The following ABCA13 variants were observed in gnomAD, a reference collection of about 807,000 sequenced individuals.
ABCA13 encodes ATP binding cassette subfamily A member 13, also known as ATP-binding cassette sub-family A member 13.
ABCA13 carries 476 observed loss-of-function variants against 478.7 expected under a neutral mutation model. The observed-to-expected ratio is 0.99, with a 90% confidence interval of 0.92 to 1.07. The LOEUF is 1.07. Among genes scored for constraint, ABCA13 ranks in the 50% least tolerant of loss-of-function variants. ABCA13 has a pLI of 0.00. For synonymous variants in ABCA13, 2,252 were observed against 2,158.9 expected (o/e 1.04, Z -1.20); for missense variants, 6,060 against 5,910.6 (o/e 1.03, Z -0.83).
At chr7:48,323,105 G>C (rs558942100) in intron 27 of ABCA13, among the ~76,000 whole-genome samples, 11 of 152,294 alleles carry the variant, frequency 7.2e-5, no homozygotes, top group African/African-American at 2.6e-4. Context: ...TAAAGGGCGT[G>C]TGGGTTTTTT....
intron 42 of ABCA13, among the ~76,000 whole-genome samples, chr7:48,436,925 T>C (rs1309617165): frequency 6.6e-6 from 1 of 151,992 alleles, no homozygotes; most frequent in Non-Finnish European, 1.5e-5. Context: ...TTAAGACTTG[T>C]TATGTAGTAT....
chr7:48,214,444 C>T (rs1427836621), intron 3 of ABCA13, among the ~76,000 whole-genome samples: 1 of 152,164 alleles, frequency 6.6e-6, no homozygotes, highest in Non-Finnish European at 1.5e-5. Flanking sequence ...TCCTTTGAGA[C>T]TTTGAAGGTA....
At position 48,295,782 on chromosome 7, in the gene ABCA13, T is replaced by G. The variant is rs746655317; in HGVS notation, c.9038T>G (p.Phe3013Cys). 1.2e-6 allele frequency: 2 copies of G among 1,614,014 alleles called. No homozygotes were observed. The highest frequency in any genetic ancestry group is 1.7e-6 in the Non-Finnish European group (2 of 1,179,894). The change falls in exon 21 of 62, where the codon TTC (phenylalanine) becomes TGC (cysteine). Residue 3013 changes from phenylalanine (F) to cysteine (C), a missense_variant. Around this residue, in one of 3 missense-constraint regions of ABCA13, gnomAD observed 4,423 missense variants for 4,309.1 expected, o/e 1.03. Coordinates refer to ENST00000435803, the MANE Select transcript of ABCA13 (RefSeq NM_152701.5). Reference sequence around the variant, plus strand: ...AATCTTTCTAGCACCTTGGAGAGCTTCAAGAGCAGCTTGGAAAATGCCACT... The same window carrying G: ...AATCTTTCTAGCACCTTGGAGAGCTGCAAGAGCAGCTTGGAAAATGCCACT... ...SKNLSSTLES[F>C]KSSLENATGQ...
At chr7:48,362,550 G>C (rs1199948881) in intron 31 of ABCA13, among the ~76,000 whole-genome samples, 1 of 150,014 alleles carries the variant, frequency 6.7e-6, no homozygotes, top group Non-Finnish European at 1.5e-5. Flanking sequence ...TATATATGTG[G>C]CCTTAATTCT....
chr7:48,605,731 T>C (rs1326434962), intron 58 of ABCA13, among the ~76,000 whole-genome samples: 4 of 152,216 alleles, frequency 2.6e-5, no homozygotes, highest in Non-Finnish European at 4.4e-5. Context: ...TGGTGTTCTC[T>C]GTATTTCCTG....
chr7:48,270,976 G>A lies in ABCA13; in HGVS notation c.2121-811G>A, dbSNP rs987538036. On this transcript the variant is annotated intron_variant, in intron 16 of 61. Coordinates refer to ENST00000435803, the MANE Select transcript of ABCA13 (RefSeq NM_152701.5). ...AGCAGTTTCAAGTGTATTATCCTGCGTCGCGAGATCATTCACAGGTCTCAC... is the reference window on the plus strand; with the variant it reads ...AGCAGTTTCAAGTGTATTATCCTGCATCGCGAGATCATTCACAGGTCTCAC... Among the ~76,000 whole-genome samples, 45 of 152,122 alleles carry A rather than the reference G, an allele frequency of 3.0e-4. 2 individuals carry two copies. The highest frequency in any genetic ancestry group is 1.0e-3 in the African/African-American group (42 of 41,420).
At chr7:48,351,424 C>T (rs1239966375) in intron 30 of ABCA13, among the ~76,000 whole-genome samples, 2 of 152,178 alleles carry the variant, frequency 1.3e-5, no homozygotes, top group Non-Finnish European at 2.9e-5. Flanking sequence ...GTGCTGGAAG[C>T]TAGATATTCC....
chr7:48,473,892 T>C (rs1213861559), intron 45 of ABCA13, among the ~76,000 whole-genome samples: 1 of 152,224 alleles, frequency 6.6e-6, no homozygotes, highest in African/African-American at 2.4e-5. Flanking sequence ...GATACACATG[T>C]AAGCGGGAAT....
At chr7:48,536,377 G>A (rs1443340147) in intron 55 of ABCA13, among the ~76,000 whole-genome samples, 1 of 152,196 alleles carries the variant, frequency 6.6e-6, no homozygotes, top group Non-Finnish European at 1.5e-5. Context: ...GCCAGGTGCA[G>A]TGGCTCACAC....
chr7:48,638,741 A>C (rs527713324), intron 59 of ABCA13, among the ~76,000 whole-genome samples: 30 of 152,252 alleles, frequency 2.0e-4, no homozygotes, highest in African/African-American at 6.7e-4. Context: ...CAAAGAAAAA[A>C]TCTCCTGATC....
chr7:48,179,373 G>A (rs947565291), intron 1 of ABCA13, among the ~76,000 whole-genome samples: 2 of 152,214 alleles, frequency 1.3e-5, no homozygotes, highest in African/African-American at 2.4e-5. Flanking sequence ...TCAGCTCTTC[G>A]TGAGTGTCCT....
chr7:48,269,300 A>G (rs1463232222), intron 16 of ABCA13, among the ~76,000 whole-genome samples: 2 of 152,210 alleles, frequency 1.3e-5, no homozygotes, highest in African/African-American at 2.4e-5. Context: ...GTATGACTCA[A>G]TGGATTTTGA....
chr7:48,423,112 C>T (rs1563231444), intron 41 of ABCA13, among the ~76,000 whole-genome samples: 2 of 152,198 alleles, frequency 1.3e-5, no homozygotes, highest in Non-Finnish European at 2.9e-5. Flanking sequence ...TGTAAAATAA[C>T]AAATCTTGCT....
chr7:48,369,051 CATGCCAACATCG>C, intron 32 of ABCA13, among the ~76,000 whole-genome samples: 1 of 152,166 alleles, frequency 6.6e-6, no homozygotes, highest in South Asian at 2.1e-4. Context: ...TCACCGCATC[CATGCCAACATCG>C]ATTATTTTTT....
intron 23 of ABCA13, among the ~76,000 whole-genome samples, chr7:48,302,216 T>C (rs1273494180): frequency 6.6e-6 from 1 of 152,250 alleles, no homozygotes; most frequent in Non-Finnish European, 1.5e-5. Context: ...TGCTTGCCGA[T>C]GGGTTTCCTC....
chr7:48,488,868 T>C lies in ABCA13; in HGVS notation c.13183-368T>C, dbSNP rs1829584608. ...TTAATTTGAAAGTAATCATTTTTTT[T>C]CTGATAATCTTCCACACATTTAATT... On this transcript the variant is annotated intron_variant, in intron 47 of 61. Transcript: ENST00000435803. Among the ~76,000 whole-genome samples, 3 of 152,216 alleles carry C rather than the reference T, an allele frequency of 2.0e-5. No homozygotes were observed. In the South Asian group the frequency reaches 6.2e-4, roughly 32 times the overall value.
At chr7:48,398,024 G>A (rs1817085305) in intron 38 of ABCA13, among the ~76,000 whole-genome samples, 1 of 152,188 alleles carries the variant, frequency 6.6e-6, no homozygotes, top group Non-Finnish European at 1.5e-5. Context: ...TAGTAATAAT[G>A]TTAATGACAG....
chr7:48,277,213 C>T (rs944334425), intron 17 of ABCA13, among the ~76,000 whole-genome samples: 1 of 152,212 alleles, frequency 6.6e-6, no homozygotes, highest in African/African-American at 2.4e-5. Context: ...GTAGGGCTGA[C>T]TGTCAGGAAG....
At position 48,428,630 on chromosome 7, in the gene ABCA13, T is replaced by A. The variant is rs559229807; in HGVS notation, c.12565+759T>A. Among the ~76,000 whole-genome samples the A allele has an allele frequency of 4.6e-5, 7 of 152,338 alleles. No homozygotes were observed. In the South Asian group the frequency reaches 1.5e-3, roughly 32 times the overall value. ...GCATCCTTACCAGCAACTGTAGGAA[T>A]TGCTATTGCTGTACTTCCTCTTCAG... is the stretch of plus-strand genomic sequence containing the variant. On this transcript the variant is annotated intron_variant, in intron 42 of 61. Coordinates refer to ENST00000435803, the MANE Select transcript of ABCA13 (RefSeq NM_152701.5).
Sources: allele counts gnomAD v4.1 joint callset (sites outside exome capture counted in the v4.1 genomes callset), GRCh38; gene constraint gnomAD v4.1.1; regional missense constraint gnomAD v4.1.1; transcripts MANE v1.5; gene names NCBI Gene and HGNC (gene_info 2026-07-23, HGNC 2026-07-21).